Variants in ATXN7 observed in about 807,000 individuals in gnomAD.
The protein encoded by ATXN7 is ataxin 7, also known as ataxin-7.
A neutral mutation model predicts 70.5 loss-of-function variants in ATXN7; 12 were observed. That is an observed-to-expected ratio of 0.17 (90% CI 0.11 to 0.28). The LOEUF (loss-of-function observed/expected upper bound fraction) is 0.28. Among genes scored for constraint, ATXN7 ranks in the 10% least tolerant of loss-of-function variants. The pLI is 1.00. For missense variants in ATXN7, 1,256 were observed against 1,131.7 expected (o/e 1.11, Z -1.58); for synonymous variants, 498 against 448.7 (o/e 1.11, Z -1.39).
chr3:63,970,150 A>G (rs1179301791), intron 5 of ATXN7, among the ~76,000 whole-genome samples: 2 of 152,228 alleles, frequency 1.3e-5, no homozygotes, highest in African/African-American at 4.8e-5. Flanking sequence ...GTAGTCAGAA[A>G]CAGTGACATA....
chr3:63,887,605 A>G (rs1703128387), intron 1 of ATXN7, among the ~76,000 whole-genome samples: 1 of 152,012 alleles, frequency 6.6e-6, no homozygotes, highest in African/African-American at 2.4e-5. Context: ...TATTTTTTCT[A>G]GACAGGGTCT....
intron 5 of ATXN7, among the ~76,000 whole-genome samples, chr3:63,955,416 G>A (rs1208603984): frequency 6.6e-6 from 1 of 152,136 alleles, no homozygotes; most frequent in African/African-American, 2.4e-5. Flanking sequence ...TGGGGGTTTG[G>A]GAGAGTAACT....
chr3:63,939,420 C>T (rs189710357), intron 4 of ATXN7, among the ~76,000 whole-genome samples: 1 of 152,244 alleles, frequency 6.6e-6, no homozygotes, highest in East Asian at 1.9e-4. Flanking sequence ...TCAAACCAAG[C>T]ACCTCCCTTC....
intron 4 of ATXN7, among the ~76,000 whole-genome samples, chr3:63,924,925 C>T (rs1704657832): frequency 1.3e-5 from 2 of 152,146 alleles, no homozygotes; most frequent in South Asian, 2.1e-4. Flanking sequence ...GAATGTTTGT[C>T]TGCCACTGGG....
intron 4 of ATXN7, among the ~76,000 whole-genome samples, chr3:63,930,616 C>T (rs1704913265): frequency 6.6e-6 from 1 of 151,898 alleles, no homozygotes; most frequent in Non-Finnish European, 1.5e-5. Flanking sequence ...ACTGCAAGCT[C>T]CGCCTCCCGG....
At chr3:63,998,705 C>T (rs948025695) in intron 12 of ATXN7, 1 of 980,402 alleles carries the variant, frequency 1.0e-6, no homozygotes, top group Non-Finnish European at 1.2e-6. Context: ...AAGTATTGCA[C>T]ATTTTTATGT....
rs78748480 is a variant in ATXN7, at chr3:63,945,455, A to G, written c.395-6924A>G. On this transcript the variant is annotated intron_variant, in intron 4 of 12. Transcript: ENST00000674280. ...GTATAAAATGTTTTCAGGGAAGACT[A>G]TTGAACTTGAACTTCTCTGTCACTG... Among the ~76,000 whole-genome samples, 289 of 152,352 alleles carry G rather than the reference A, an allele frequency of 1.9e-3. 2 individuals are homozygous for G. The highest frequency in any genetic ancestry group is 6.7e-3 in the African/African-American group (277 of 41,586).
chr3:63,973,784 A>G (rs1003930548), intron 5 of ATXN7, among the ~76,000 whole-genome samples: 2 of 151,982 alleles, frequency 1.3e-5, no homozygotes, highest in African/African-American at 4.8e-5. Flanking sequence ...AGAGGGGAAT[A>G]ATTCCCCCAT....
chr3:63,901,397 T>C (rs1703636406), intron 2 of ATXN7: 1 of 152,184 alleles, frequency 6.6e-6, no homozygotes, highest in East Asian at 1.9e-4. Context: ...ACCTTTTGAC[T>C]AACTTTCCCT....
chr3:63,886,124 G>T lies in ATXN7; in HGVS notation c.-110-12275G>T, dbSNP rs146205046. 1.8e-4 allele frequency among the ~76,000 whole-genome samples: 27 copies of T among 152,290 alleles called. No homozygotes were observed. The East Asian group carries it at 5.2e-3, about 29-fold the overall frequency. On this transcript the variant is annotated intron_variant, in intron 1 of 12. Coordinates refer to ENST00000674280, the MANE Select transcript of ATXN7 (RefSeq NM_001377405.1). Reference sequence around the variant, plus strand: ...TTTGACAACATGGGTGAACCTGGAGGATATTAAGTGAAATAAGCCAGACAC... The same window carrying T: ...TTTGACAACATGGGTGAACCTGGAGTATATTAAGTGAAATAAGCCAGACAC...
At chr3:63,915,607 C>T (rs1042801851) in intron 4 of ATXN7, among the ~76,000 whole-genome samples, 1 of 151,978 alleles carries the variant, frequency 6.6e-6, no homozygotes, top group African/African-American at 2.4e-5. Flanking sequence ...ATACTGATTC[C>T]TCTTGTTAAA....
chr3:63,912,109 C>T (rs926689117), intron 2 of ATXN7: 1 of 152,206 alleles, frequency 6.6e-6, no homozygotes, highest in African/African-American at 2.4e-5. Context: ...GGTGCCGCCG[C>T]TCGGACGGAC....
At chr3:63,967,863 G>T in intron 5 of ATXN7, 1 of 1,534,152 alleles carries the variant, frequency 6.5e-7, no homozygotes, top group Non-Finnish European at 8.7e-7. Context: ...AAATCATGAT[G>T]CAAGCCTGCA....
intron 1 of ATXN7, among the ~76,000 whole-genome samples, chr3:63,868,788 C>G (rs1479767399): frequency 1.3e-5 from 2 of 150,974 alleles, no homozygotes; most frequent in Non-Finnish European, 2.9e-5. Flanking sequence ...TGCACATGTA[C>G]TTTATAGTCC....
chr3:63,896,916 G>T (rs1158198138), intron 1 of ATXN7, among the ~76,000 whole-genome samples: 1 of 152,150 alleles, frequency 6.6e-6, no homozygotes, highest in Non-Finnish European at 1.5e-5. Flanking sequence ...GTGTCCAGAT[G>T]GAAAATTGAA....
chr3:63,887,431 C>T (rs746044668), intron 1 of ATXN7, among the ~76,000 whole-genome samples: 18 of 152,072 alleles, frequency 1.2e-4, no homozygotes, highest in Middle Eastern at 3.2e-3. Context: ...TCTATTGTTT[C>T]GTAGTCACAT....
In ATXN7 at chr3:63,958,089, A is replaced by C. The variant is rs981583291; in HGVS notation, c.499+5606A>C. ...CAGACTGTTCACAAACGGAAGTGTCAAAATTTGGCTTTTTCATGACTTTAT... is the reference window on the plus strand; with the variant it reads ...CAGACTGTTCACAAACGGAAGTGTCCAAATTTGGCTTTTTCATGACTTTAT... On this transcript the variant is annotated intron_variant, in intron 5 of 12. Coordinates refer to ENST00000674280, the MANE Select transcript of ATXN7 (RefSeq NM_001377405.1). 2.6e-5 allele frequency among the ~76,000 whole-genome samples: 4 copies of C among 152,332 alleles called. No individual in the cohort carries two copies. In the East Asian group the frequency reaches 7.7e-4, roughly 29 times the overall value.
intron 1 of ATXN7, among the ~76,000 whole-genome samples, chr3:63,892,487 A>C (rs1252462500): frequency 2.7e-5 from 4 of 149,168 alleles, no homozygotes; most frequent in Middle Eastern, 6.9e-3. Context: ...ACACACACAC[A>C]CACACACCCA....
chr3:63,863,811 CGGCGGCGGCGGCGCAAGCTGA>C (rs1253296713), upstream of ATXN7: 25 of 1,234,166 alleles, frequency 2.0e-5, no homozygotes, highest in South Asian at 2.3e-4. Flanking sequence ...GCGGCGGCGG[CGGCGGCGGCGGCGCAAGCTGA>C]GGCGGCGGTT....
Sources: allele counts gnomAD v4.1 joint callset (sites outside exome capture counted in the v4.1 genomes callset), GRCh38; gene constraint gnomAD v4.1.1; transcripts MANE v1.5; gene names NCBI Gene and HGNC (gene_info 2026-07-23, HGNC 2026-07-21).